Variants in ORC3 observed in about 807,000 individuals in gnomAD.
ORC3 encodes the protein origin recognition complex subunit 3.
In ORC3, 78 loss-of-function variants were observed where a neutral mutation model predicts 100.7. The observed-to-expected ratio is 0.77, with a 90% CI of 0.65 to 0.94. The LOEUF (loss-of-function observed/expected upper bound fraction) is 0.94. Ranked by LOEUF, ORC3 falls within the 40% of genes least tolerant of loss-of-function variation. ORC3 has a pLI of 0.00. For missense variants in ORC3, 789 were observed against 823.9 expected (o/e 0.96, Z 0.52); for synonymous variants, 295 against 289.3 (o/e 1.02, Z -0.20).
intron 3 of ORC3, 145 bp downstream of exon 3, chr6:87,602,026 A>G (rs1777944078): frequency 1.0e-5 from 6 of 589,906 alleles, no homozygotes; most frequent in East Asian, 2.9e-5. Flanking sequence ...TAAAAAAACA[A>G]CCATAATCCA....
At chr6:87,648,513 A>G (rs1405740296) in intron 13 of ORC3, among the ~76,000 whole-genome samples, 3 of 152,270 alleles carry the variant, frequency 2.0e-5, no homozygotes, top group South Asian at 2.1e-4. Context: ...TTGAGATGCA[A>G]TATAGCATGC....
At chr6:87,610,533 T>C (rs1583032323) in intron 7 of ORC3, among the ~76,000 whole-genome samples, 1 of 150,058 alleles carries the variant, frequency 6.7e-6, no homozygotes, top group South Asian at 2.1e-4. Flanking sequence ...TTTACTAATA[T>C]ACTTTATTTT....
intron 11 of ORC3, among the ~76,000 whole-genome samples, chr6:87,624,207 G>C (rs773815274): frequency 2.0e-5 from 3 of 152,154 alleles, no homozygotes; most frequent in Non-Finnish European, 4.4e-5. Context: ...TTTTAGGCCA[G>C]GCACGGTGGC....
chr6:87,609,713 G>A lies in ORC3; in HGVS notation c.713+484G>A, dbSNP rs7765544. On this transcript the variant is annotated intron_variant, in intron 7 of 19. Coordinates refer to ENST00000392844, the MANE Select transcript of ORC3 (RefSeq NM_012381.4). The stretch of plus-strand genomic sequence containing the variant: ...ATTACAGGTGCCCACCACCACACCT[G>A]GCTAATTTTTGTATTTTTAGTAGAA... 9.1e-3 allele frequency among the ~76,000 whole-genome samples: 1,382 copies of A among 151,892 alleles called. 21 individuals are homozygous for A. The highest frequency in any genetic ancestry group is 0.031 in the African/African-American group (1,289 of 41,422).
the ORC3 span, chr6:87,675,949 TGTC>T: frequency 2.4e-4 from 382 of 1,597,572 alleles, no homozygotes; most frequent in Non-Finnish European, 2.8e-4. Flanking sequence ...TAAAGGTACT[TGTC>T]AATTACATTT....
At chr6:87,594,315 C>G in intron 1 of ORC3, 38 bp from the exon 2 acceptor site, 2 of 1,471,508 alleles carry the variant, frequency 1.4e-6, no homozygotes, top group South Asian at 2.6e-5. Context: ...TGCTCCTTGG[C>G]TACTTTGACT....
At chr6:87,606,052 T>C in intron 5 of ORC3, 31 bp downstream of exon 5, 3 of 1,149,974 alleles carry the variant, frequency 2.6e-6, no homozygotes, top group Non-Finnish European at 3.9e-6. Flanking sequence ...ATAACCTTGA[T>C]GAGATGTTAC....
intron 14 of ORC3, among the ~76,000 whole-genome samples, chr6:87,655,517 A>G (rs1350244891): frequency 6.6e-6 from 1 of 151,302 alleles, no homozygotes; most frequent in African/African-American, 2.4e-5. Flanking sequence ...ACACTTGGCT[A>G]ATTTTTTTGT....
At chr6:87,631,188 CT>C (rs1767379599) in intron 11 of ORC3, among the ~76,000 whole-genome samples, 1 of 152,048 alleles carries the variant, frequency 6.6e-6, no homozygotes, top group Non-Finnish European at 1.5e-5. Flanking sequence ...TATGCCATGC[CT>C]GTTTTTCTTA....
chr6:87,657,027 CT>C, intron 15 of ORC3, 45 bp downstream of exon 15: 5 of 1,265,260 alleles, frequency 4.0e-6, no homozygotes, highest in South Asian at 1.2e-5. Context: ...GTGACACTCC[CT>C]TTTTTCAGTT....
At chr6:87,655,906 A>T (rs955748286) in intron 14 of ORC3, among the ~76,000 whole-genome samples, 1 of 152,148 alleles carries the variant, frequency 6.6e-6, no homozygotes, top group Admixed American at 6.5e-5. Context: ...ACCTTTAGTT[A>T]TGTCTTTTTT....
chr6:87,612,173 A>C lies in ORC3; in HGVS notation c.798A>C (p.Ala266=), dbSNP rs1464181806. 7.4e-6 allele frequency: 12 copies of C among 1,613,560 alleles called. No homozygotes were observed. Among genetic ancestry groups the C allele is most frequent in the Non-Finnish European group, 7.6e-6 (9 of 1,179,610 alleles). The change falls in exon 8 of 20, where the codon GCA becomes GCC. Residue 266 remains alanine (A), a synonymous_variant. Transcript: ENST00000392844. ...PIIIHRLLPH[A]VSSLLCIELF... is the part of the protein sequence containing the mutation. ...TCATCCACCGATTGCTTCCTCATGCAGTATCATCTCTATTGTGCATAGAAC... is the reference window on the plus strand; with the variant it reads ...TCATCCACCGATTGCTTCCTCATGCCGTATCATCTCTATTGTGCATAGAAC...
chr6:87,665,657 T>A (rs1770535810), intron 18 of ORC3, 97 bp from the exon 19 acceptor site: 1 of 688,500 alleles, frequency 1.5e-6, no homozygotes, highest in African/African-American at 1.8e-5. Context: ...TAATGAAGAA[T>A]ATGTGCCAGC....
chr6:87,618,728 C>T (rs945795495), intron 9 of ORC3, among the ~76,000 whole-genome samples: 4 of 148,756 alleles, frequency 2.7e-5, no homozygotes, highest in African/African-American at 9.8e-5. Context: ...AGGATGAGAT[C>T]GAATAAAAAA....
At chr6:87,618,729 G>A (rs1042561279) in intron 9 of ORC3, among the ~76,000 whole-genome samples, 8 of 150,126 alleles carry the variant, frequency 5.3e-5, no homozygotes, top group Non-Finnish European at 1.2e-4. Context: ...GGATGAGATC[G>A]AATAAAAAAA....
intron 1 of ORC3, among the ~76,000 whole-genome samples, chr6:87,590,960 G>C (rs1316170909): frequency 2.0e-5 from 3 of 152,184 alleles, no homozygotes; most frequent in Non-Finnish European, 4.4e-5. Flanking sequence ...GAAATTGCAA[G>C]ACATAGTGTA....
At chr6:87,611,974 T>C (rs1349167906) in intron 7 of ORC3, 115 bp from the exon 8 acceptor site, 2 of 934,832 alleles carry the variant, frequency 2.1e-6, no homozygotes, top group Admixed American at 5.2e-5. Flanking sequence ...TGATAATCCT[T>C]AACAGTGTCT....
rs1027091020 is a variant in ORC3 at position 87,605,834 on chromosome 6, T to G, written c.323-83T>G. The G allele has an allele frequency of 6.9e-6, 5 of 727,590 alleles. No individual in the cohort carries two copies. In the Admixed American group the frequency reaches 9.7e-5, roughly 14 times the overall value. The allele number at this position is 727,590 out of a possible 1,614,324, so 45.1% of individuals were successfully genotyped here. ...ATCATTTTTTAAATGTTTTTACTTG[T>G]TTGCTTGATATGTTAAATAGCTTTT... On this transcript the variant is annotated intron_variant, in intron 4 of 19. Transcript: ENST00000392844.
intron 11 of ORC3, 124 bp from the exon 12 acceptor site, chr6:87,634,721 A>T: frequency 1.7e-6 from 1 of 592,244 alleles, no homozygotes; most frequent in Non-Finnish European, 2.9e-6. Context: ...AATTTTCATG[A>T]ATTAATTTGT....
Sources: allele counts gnomAD v4.1 joint callset (sites outside exome capture counted in the v4.1 genomes callset), GRCh38; gene constraint gnomAD v4.1.1; transcripts MANE v1.5; gene names NCBI Gene and HGNC (gene_info 2026-07-23, HGNC 2026-07-21).